KRT10: variants seen among roughly 807,000 people sequenced by gnomAD.
The protein encoded by KRT10 is keratin 10, also known as keratin, type I cytoskeletal 10.
In KRT10, 40 loss-of-function variants were observed where a neutral mutation model predicts 59.2. The observed-to-expected ratio is 0.68, with a 90% CI of 0.52 to 0.88. The LOEUF (loss-of-function observed/expected upper bound fraction) is 0.88, where lower values mean the gene tolerates loss of function less well. Ranked by LOEUF, KRT10 falls within the 40% of genes least tolerant of loss-of-function variation. The pLI is 0.00. For missense variants in KRT10, 719 were observed against 749.1 expected (o/e 0.96, Z 0.47); for synonymous variants, 336 against 310.7 (o/e 1.08, Z -0.86).
intron 3 of KRT10, 29 bp from the exon 4 acceptor site, chr17:40,820,452 C>T: frequency 6.2e-7 from 1 of 1,614,168 alleles, no homozygotes; most frequent in Non-Finnish European, 8.5e-7. Context: ...GATTTATTGG[C>T]TACACGAGGA....
rs1362501349 is a variant in KRT10 at position 40,820,091 on chromosome 17, A to G, written c.1113T>C (p.Asn371=). The change falls in exon 5 of 8, where the codon AAT becomes AAC. Residue 371 remains asparagine, a synonymous_variant. Transcript: ENST00000269576. The part of the protein sequence containing the change: ...YKSEITELRR[N]VQALEIELQS... ...GTAGTTCTATCTCCAGAGCTTGTAC[A>G]TTACGTCTCAATTCAGTAATCTCAG... 10 of 1,613,608 alleles carry G rather than the reference A, an allele frequency of 6.2e-6. No homozygotes were observed. The East Asian group carries it at 6.7e-5, about 11-fold the overall frequency.
Position 40,818,904 on chromosome 17 carries a change from C to G in KRT10, c.1631G>C (p.Gly544Ala), listed in dbSNP as rs1905184772. 1 of 1,413,942 alleles carries G rather than the reference C, an allele frequency of 7.1e-7. No homozygotes were observed. Among genetic ancestry groups the G allele is most frequent in the Non-Finnish European group, 9.3e-7 (1 of 1,074,824 alleles). The allele number at this position is 1,413,942 out of a possible 1,614,324, so 87.6% of individuals were successfully genotyped here. Residue 544 changes from glycine to alanine, a missense_variant, in exon 7 of 8, where the codon GGC becomes GCC. Physicochemically the swap from Gly to Ala is moderately conservative, Grantham distance 60 (BLOSUM62 0). Transcript: ENST00000269576. The part of the protein sequence containing the change: ...SSGGGGGGYG[G>A]GSSGGGSSSG... ...GCTGCTGCCGCCGCCGGAGCTGCCGCCCCCGTAGCCGCCGCCGCCGCCGCC... is the reference window on the plus strand; with the variant it reads ...GCTGCTGCCGCCGCCGGAGCTGCCGGCCCCGTAGCCGCCGCCGCCGCCGCC...
intron 5 of KRT10, 57 bp downstream of exon 5, chr17:40,819,992 G>A: frequency 1.2e-6 from 2 of 1,600,638 alleles, no homozygotes; most frequent in Non-Finnish European, 1.7e-6. Flanking sequence ...CATATTCTTA[G>A]GTGAGCATGA....
At position 40,818,460 on chromosome 17, in the gene KRT10, G is replaced by C. The variant is rs762305484; in HGVS notation, c.*16C>G. ...GCGCCACCTCTTCAATAATTGTCTT[G>C]ATTACTCTGGTTTTGTTAGTATCTG... is the stretch of plus-strand genomic sequence containing the variant. On this transcript the variant is annotated 3_prime_UTR_variant, in exon 8 of 8. Transcript: ENST00000269576. 3 of 1,612,510 alleles carry C rather than the reference G, an allele frequency of 1.9e-6. No homozygotes were observed. In the South Asian group the frequency reaches 3.3e-5, roughly 18 times the overall value.
chr17:40,819,141 C>G lies in KRT10; in HGVS notation c.1394G>C (p.Gly465Ala). The change falls in exon 7 of 8, where the codon GGC becomes GCC. Residue 465 changes from glycine (G) to alanine (A), a missense_variant. Gly to Ala is a moderately conservative substitution (Grantham distance 60). Around this residue, in one of 4 missense-constraint regions of KRT10, gnomAD observed 315 missense variants for 270.6 expected, o/e 1.16. Transcript: ENST00000269576. ...GEGSSGGGGR[G>A]GGSFGGGYGG... Reference sequence around the variant, plus strand: ...GTAGCCGCCGCCGAAACTTCCGCCGCCGCGTCCGCCGCCTCCGGAACTAAA... The same window carrying G: ...GTAGCCGCCGCCGAAACTTCCGCCGGCGCGTCCGCCGCCTCCGGAACTAAA... 1 of 1,539,552 alleles carries G rather than the reference C, an allele frequency of 6.5e-7. No homozygotes were observed. Among genetic ancestry groups the G allele is most frequent in the Middle Eastern group, 1.7e-4 (1 of 5,726 alleles).
rs768461937 is a variant in KRT10, at chr17:40,822,514, T to A, written c.72A>T (p.Gly24=). ...SRSGGGGGGG[G]CGGGGGVSSL... Reference sequence around the variant, plus strand: ...ATGACACTCCTCCTCCTCCTCCACATCCTCCTCCTCCTCCTCCTCCTCCAC... The same window carrying A: ...ATGACACTCCTCCTCCTCCTCCACAACCTCCTCCTCCTCCTCCTCCTCCAC... Residue 24 remains glycine (G), a synonymous_variant, in exon 1 of 8, where the codon GGA becomes GGT. Transcript: ENST00000269576. 16 of 1,053,338 alleles carry A rather than the reference T, an allele frequency of 1.5e-5. No individual in the cohort carries two copies. Among genetic ancestry groups the A allele is most frequent in the Non-Finnish European group, 2.0e-5 (16 of 796,030 alleles). 65.2% of individuals were successfully genotyped at this position (1,053,338 alleles called of 1,614,324 possible).
chr17:40,819,074 G>GGAGC lies in KRT10; in HGVS notation c.1460_1461insGCTC (p.His487GlnfsTer95), dbSNP rs1491197463. ...CGGAACTGCCGCCGTGGCCGCCGCC[G>GGAGC]TGGCCGCCGCCGGAGCTTCCGCCGC... On this transcript the variant is annotated frameshift_variant, in exon 7 of 8. Coordinates refer to ENST00000269576, the MANE Select transcript of KRT10 (RefSeq NM_000421.5). LOFTEE classifies it high-confidence loss of function. 5.2e-6 allele frequency: 7 copies of GGAGC among 1,348,402 alleles called. No individual in the cohort carries two copies. The highest frequency in any genetic ancestry group is 5.3e-5 in the Admixed American group (2 of 37,712). The allele number at this position is 1,348,402 out of a possible 1,614,324, so 83.5% of individuals were successfully genotyped here. A position where few individuals can be genotyped will look rare whatever the true frequency, so the allele number is the denominator to read the frequency against.
In KRT10 at chr17:40,822,519, C is replaced by G. The variant is rs761851864; in HGVS notation, c.67G>C (p.Gly23Arg). 10 of 1,596,734 alleles carry G rather than the reference C, an allele frequency of 6.3e-6. No individual in the cohort carries two copies. In the East Asian group the frequency reaches 1.8e-4, roughly 29 times the overall value. ...SSRSGGGGGG[G>R]GCGGGGGVSS... The stretch of plus-strand genomic sequence containing the variant: ...ACTCCTCCTCCTCCTCCACATCCTC[C>G]TCCTCCTCCTCCTCCTCCACTGCGG... Residue 23 changes from glycine (G) to arginine (R), a missense_variant, in exon 1 of 8, where the codon GGA (glycine) becomes CGA (arginine). Gly to Arg is a moderately radical substitution (Grantham distance 125). Transcript: ENST00000269576.
Position 40,822,278 on chromosome 17 carries a change from C to T in KRT10, c.308G>A (p.Gly103Glu). ...GCTGCCACCTCCGAAACTGCCCCCT[C>T]CAAAGATGCCTCCATAACTCCCACC... Reference protein sequence around the residue: ...SFGGSYGGIFGGGSFGGGSFG... With the variant: ...SFGGSYGGIFEGGSFGGGSFG... The change falls in exon 1 of 8, where the codon GGA (glycine) becomes GAA (glutamate). Residue 103 changes from glycine to glutamate, a missense_variant. Gly to Glu is a moderately conservative substitution (Grantham distance 98). This residue lies in a region of KRT10 where 176 missense variants were observed against 175.7 expected (regional missense o/e 1.00). Coordinates refer to ENST00000269576, the MANE Select transcript of KRT10 (RefSeq NM_000421.5). 6.2e-7 allele frequency: 1 copy of T among 1,600,376 alleles called. No individual in the cohort carries two copies. Among genetic ancestry groups the T allele is most frequent in the Non-Finnish European group, 8.5e-7 (1 of 1,170,440 alleles).
Position 40,821,072 on chromosome 17 carries a change from C to A in KRT10, c.673G>T (p.Asp225Tyr). The change falls in exon 2 of 8, where the codon GAC (aspartate) becomes TAC (tyrosine). Residue 225 changes from aspartate to tyrosine, a missense_variant. By Grantham distance (160) the Asp-to-Tyr change is radical (BLOSUM62 -3). Coordinates refer to ENST00000269576, the MANE Select transcript of KRT10 (RefSeq NM_000421.5). Reference sequence around the variant, plus strand: ...TCATCAGCTGCCAGCCTGGCATTGTCGATCTGAAGCAGGATGTTGGCATTA... The same window carrying A: ...TCATCAGCTGCCAGCCTGGCATTGTAGATCTGAAGCAGGATGTTGGCATTA... ...TDNANILLQIDNARLAADDFR... is the reference protein window; with the variant it reads ...TDNANILLQIYNARLAADDFR... The A allele has an allele frequency of 1.9e-6, 3 of 1,613,874 alleles. No individual in the cohort carries two copies. In the South Asian group the frequency reaches 3.3e-5, roughly 18 times the overall value.
In KRT10 at chr17:40,818,822, G is replaced by C. The variant is rs761534405; in HGVS notation, c.1713C>G (p.Ser571=). 2.5e-5 allele frequency: 40 copies of C among 1,597,670 alleles called. No homozygotes were observed. In the South Asian group the frequency reaches 4.3e-4, roughly 17 times the overall value. Residue 571 remains serine, a synonymous_variant, in exon 7 of 8, where the codon TCC becomes TCG. Coordinates refer to ENST00000269576, the MANE Select transcript of KRT10 (RefSeq NM_000421.5). ...SSSGGHKSSS[S]GSVGESSSKG... ...TAGATGAAGACTCGCCCACGGACCC[G>C]GAAGAGGAGGACTTGTGGCCTCCGC...
chr17:40,818,971 G>A lies in KRT10; in HGVS notation c.1564C>T (p.His522Tyr), dbSNP rs1230701223. Reference protein sequence around the residue: ...GYGGGSSSGGHGGSSSGGYGG... With the variant: ...GYGGGSSSGGYGGSSSGGYGG... Reference sequence around the variant, plus strand: ...TAGCCGCCGCTGGAACTGCCGCCGTGGCCGCCGCTGGAGCTTCCGCCCCCG... The same window carrying A: ...TAGCCGCCGCTGGAACTGCCGCCGTAGCCGCCGCTGGAGCTTCCGCCCCCG... The change falls in exon 7 of 8, where the codon CAC becomes TAC. Residue 522 changes from histidine to tyrosine, a missense_variant. His to Tyr is a moderately conservative substitution (Grantham distance 83). Coordinates refer to ENST00000269576, the MANE Select transcript of KRT10 (RefSeq NM_000421.5). 1.1e-5 allele frequency: 15 copies of A among 1,323,310 alleles called. No individual in the cohort carries two copies. In the African/African-American group the frequency reaches 1.6e-4, roughly 14 times the overall value. 82.0% of individuals were successfully genotyped at this position (1,323,310 alleles called of 1,614,324 possible). A position where few individuals can be genotyped will look rare whatever the true frequency, so the allele number is the denominator to read the frequency against.
Position 40,818,429 on chromosome 17 carries a change from C to T in KRT10, c.*47G>A. The T allele has an allele frequency of 1.2e-6, 2 of 1,613,024 alleles. No homozygotes were observed. Among genetic ancestry groups the T allele is most frequent in the South Asian group, 2.2e-5 (2 of 90,918 alleles). ...TCAACCATAGATGAAAGAACTCTAC[C>T]GTCGGGCGCCACCTCTTCAATAATT... On this transcript the variant is annotated 3_prime_UTR_variant, in exon 8 of 8. Transcript: ENST00000269576.
Position 40,820,419 on chromosome 17 carries a change from A to C in KRT10, c.872T>G (p.Met291Arg), listed in dbSNP as rs1905303774. The C allele has an allele frequency of 6.2e-7, 1 of 1,614,082 alleles. No individual in the cohort carries two copies. The highest frequency in any genetic ancestry group is 1.3e-5 in the African/African-American group (1 of 74,930). The change falls in exon 4 of 8, where the codon ATG becomes AGG. Residue 291 changes from methionine to arginine, a missense_variant. This residue lies in a region of KRT10 where 221 missense variants were observed against 277.8 expected (regional missense o/e 0.80). Transcript: ENST00000269576. Reference protein sequence around the residue: ...AYLKKNHEEEMKDLRNVSTGD... With the variant: ...AYLKKNHEEERKDLRNVSTGD... ...AGTGGACACATTTCGAAGGTCTTTC[A>C]TTTCCTGTTTGAGGAACAGAAAGAT...
At chr17:40,818,527 C>A in intron 7 of KRT10, 45 bp from the exon 8 acceptor site, 1 of 1,331,668 alleles carries the variant, frequency 7.5e-7, no homozygotes, top group East Asian at 2.3e-5. Context: ...CTGTAGGGAT[C>A]CTTAGTAATT....
Position 40,819,078 on chromosome 17 carries a change from CCGCCGCCGGA to C in KRT10, c.1447_1456del (p.Ser483AlafsTer133). 1 of 1,403,448 alleles carries C rather than the reference CCGCCGCCGGA, an allele frequency of 7.1e-7. No homozygotes were observed. The highest frequency in any genetic ancestry group is 9.3e-7 in the Non-Finnish European group (1 of 1,076,374). The allele number at this position is 1,403,448 out of a possible 1,614,324, so 86.9% of individuals were successfully genotyped here. A position where few individuals can be genotyped will look rare whatever the true frequency, so the allele number is the denominator to read the frequency against. On this transcript the variant is annotated frameshift_variant, in exon 7 of 8. Transcript: ENST00000269576. LOFTEE classifies it high-confidence loss of function. ...ACTGCCGCCGTGGCCGCCGCCGTGG[CCGCCGCCGGA>C]GCTTCCGCCGCCGGAGCTTCCGCCG...
chr17:40,819,422 C>T (rs965515589), intron 6 of KRT10, 95 bp downstream of exon 6: 1 of 1,345,490 alleles, frequency 7.4e-7, no homozygotes, highest in African/African-American at 1.4e-5. Flanking sequence ...CTCCCTTCCT[C>T]TCATTCTCTG....
chr17:40,821,486 A>G (rs1311922372), intron 1 of KRT10, among the ~76,000 whole-genome samples: 1 of 152,200 alleles, frequency 6.6e-6, no homozygotes, highest in Non-Finnish European at 1.5e-5. Flanking sequence ...TAATAAATAA[A>G]TACACTCTGA....
Position 40,819,620 on chromosome 17 carries a change from C to G in KRT10, c.1270G>C (p.Glu424Gln). Residue 424 changes from glutamate (E) to glutamine (Q), a missense_variant, in exon 6 of 8, where the codon GAA becomes CAA. By Grantham distance (29) the Glu-to-Gln change is conservative. Transcript: ENST00000269576. ...TATTCAGTATTCTGGCACTCGGTTT[C>G]AGCTCGAATCTGTTGCAACTGTTCT... ...LEEQLQQIRA[E>Q]TECQNTEYQQ... The G allele has an allele frequency of 6.2e-7, 1 of 1,614,224 alleles. No homozygotes were observed. Among genetic ancestry groups the G allele is most frequent in the Non-Finnish European group, 8.5e-7 (1 of 1,180,030 alleles).
Sources: gnomAD v4.1 joint callset for allele counts (sites outside exome capture counted in the v4.1 genomes callset) on GRCh38, gnomAD v4.1.1 for gene constraint, gnomAD v4.1.1 regional missense constraint, MANE v1.5 for transcripts, NCBI Gene and HGNC (gene_info 2026-07-23, HGNC 2026-07-21) for gene names.